COL5A2: variants seen among roughly 807,000 people sequenced by gnomAD.
The protein encoded by COL5A2 is collagen type V alpha 2 chain.
COL5A2 carries 23 observed loss-of-function variants against 208.2 expected under a neutral mutation model. The ratio of observed to expected loss-of-function variants is 0.11; its 90% CI spans 0.08 to 0.16. COL5A2 has a LOEUF of 0.16. COL5A2 is among the 10% of genes least tolerant of loss of function. The probability of loss-of-function intolerance (pLI) is 1.00; values close to 1 mark genes in which losing one functional copy is unlikely to be tolerated. For missense variants in COL5A2, 1,590 were observed against 1,956.4 expected (o/e 0.81, Z 3.53); for synonymous variants, 625 against 628.5 (o/e 0.99, Z 0.08).
At chr2:189,376,581 A>T in the COL5A2 span, among the ~76,000 whole-genome samples, 1 of 152,190 alleles carries the variant, frequency 6.6e-6, no homozygotes, top group Non-Finnish European at 1.5e-5. Context: ...TCAAGGTAAC[A>T]ACTACTGCTC....
At chr2:189,319,627 C>T in the COL5A2 span, among the ~76,000 whole-genome samples, 3 of 152,212 alleles carry the variant, frequency 2.0e-5, no homozygotes, top group African/African-American at 4.8e-5. Flanking sequence ...GAGGGGCGCC[C>T]GCCATTGCTG....
the COL5A2 span, among the ~76,000 whole-genome samples, chr2:189,246,886 G>C: frequency 9.2e-5 from 14 of 152,310 alleles, no homozygotes; most frequent in African/African-American, 3.4e-4. Flanking sequence ...GGACTGAGGA[G>C]AGCTGCCTAT....
intron 17 of COL5A2, 110 bp from the exon 18 acceptor site, chr2:189,072,203 C>A (rs1686290661): frequency 2.8e-6 from 2 of 715,236 alleles, no homozygotes; most frequent in Admixed American, 2.5e-5. Flanking sequence ...GAATAACCTG[C>A]CTTTCACTTT....
the COL5A2 span, among the ~76,000 whole-genome samples, chr2:189,434,016 G>A: frequency 5.3e-5 from 8 of 152,170 alleles, no homozygotes; most frequent in African/African-American, 1.9e-4. Flanking sequence ...TGGGATGCAA[G>A]GCTGGTTCAA....
chr2:189,361,492 T>A, the COL5A2 span, among the ~76,000 whole-genome samples: 1 of 152,108 alleles, frequency 6.6e-6, no homozygotes, highest in East Asian at 1.9e-4. Flanking sequence ...TTTCCACCTG[T>A]GTGTGTCTTC....
intron 1 of COL5A2, among the ~76,000 whole-genome samples, chr2:189,174,980 C>T (rs1688648809): frequency 6.6e-6 from 1 of 152,182 alleles, no homozygotes; most frequent in African/African-American, 2.4e-5. Context: ...GCTTCACAGT[C>T]TACTCAGTAA....
chr2:189,161,128 T>C (rs1688355846), intron 1 of COL5A2, among the ~76,000 whole-genome samples: 1 of 150,954 alleles, frequency 6.6e-6, no homozygotes, highest in Non-Finnish European at 1.5e-5. Context: ...CTGTACTTTT[T>C]TTTTATCTAG....
At chr2:189,264,951 C>A in the COL5A2 span, among the ~76,000 whole-genome samples, 4 of 152,102 alleles carry the variant, frequency 2.6e-5, no homozygotes, top group Non-Finnish European at 5.9e-5. Flanking sequence ...ACTTAAGCAA[C>A]CACAGTGGTA....
chr2:189,185,028 CTT>C (rs1204160030), intron 1 of COL5A2, among the ~76,000 whole-genome samples: 3 of 147,286 alleles, frequency 2.0e-5, no homozygotes, highest in Non-Finnish European at 3.0e-5. Context: ...TAATATGCTA[CTT>C]TTTTTTTTTT....
At chr2:189,311,386 G>A in the COL5A2 span, 1 of 1,003,186 alleles carries the variant, frequency 1.0e-6, no homozygotes, top group Admixed American at 1.7e-5. Flanking sequence ...CAAGATTGAA[G>A]TCCTCACCAT....
chr2:189,409,806 C>G, the COL5A2 span, among the ~76,000 whole-genome samples: 1 of 152,132 alleles, frequency 6.6e-6, no homozygotes, highest in East Asian at 1.9e-4. Flanking sequence ...ATCACTCAAG[C>G]AGACTTGAAA....
intron 3 of COL5A2, among the ~76,000 whole-genome samples, chr2:189,102,916 C>A (rs1451164304): frequency 6.6e-6 from 1 of 152,088 alleles, no homozygotes; most frequent in South Asian, 2.1e-4. Context: ...TAACCACAGT[C>A]TGCTACATTG....
At chr2:189,330,968 C>T in the COL5A2 span, among the ~76,000 whole-genome samples, 4 of 151,980 alleles carry the variant, frequency 2.6e-5, no homozygotes, top group African/African-American at 4.8e-5. Flanking sequence ...TAATACAAGC[C>T]GACTCTCAGA....
the COL5A2 span, among the ~76,000 whole-genome samples, chr2:189,276,152 G>A: frequency 6.6e-6 from 1 of 152,092 alleles, no homozygotes; most frequent in Non-Finnish European, 1.5e-5. Flanking sequence ...CTTCCTATCA[G>A]TTACACAACA....
the COL5A2 span, among the ~76,000 whole-genome samples, chr2:189,238,555 A>G: frequency 1.3e-5 from 2 of 152,150 alleles, no homozygotes; most frequent in African/African-American, 2.4e-5. Flanking sequence ...ATACTGCTAT[A>G]AAGAACTGCC....
chr2:189,218,382 C>G (rs891916815), intron 1 of COL5A2, among the ~76,000 whole-genome samples: 1 of 152,086 alleles, frequency 6.6e-6, no homozygotes, highest in Non-Finnish European at 1.5e-5. Flanking sequence ...CAACACAGCA[C>G]AGATTAGAGG....
chr2:189,228,656 T>C (rs1045290515), upstream of COL5A2, among the ~76,000 whole-genome samples: 1 of 151,394 alleles, frequency 6.6e-6, no homozygotes, highest in Non-Finnish European at 1.5e-5. Context: ...AGTAAAGAGA[T>C]TGAATCAGTA....
the COL5A2 span, among the ~76,000 whole-genome samples, chr2:189,399,900 T>C: frequency 6.6e-6 from 1 of 151,916 alleles, no homozygotes; most frequent in South Asian, 2.1e-4. Context: ...AGGGTCCCAT[T>C]ATGTTGCCCA....
the COL5A2 span, among the ~76,000 whole-genome samples, chr2:189,277,320 C>A: frequency 6.6e-6 from 1 of 152,074 alleles, no homozygotes; most frequent in African/African-American, 2.4e-5. Context: ...CTTAACATGA[C>A]CCCAAGATTC....
Sources: allele counts gnomAD v4.1 joint callset (sites outside exome capture counted in the v4.1 genomes callset), GRCh38; gene constraint gnomAD v4.1.1; transcripts MANE v1.5; gene names NCBI Gene and HGNC (gene_info 2026-07-23, HGNC 2026-07-21).